The following PPP4R1 variants were observed in gnomAD, a reference collection of about 807,000 sequenced individuals.
PPP4R1 encodes the protein serine/threonine-protein phosphatase 4 regulatory subunit 1.
PPP4R1 carries 42 observed loss-of-function variants against 111.2 expected under a neutral mutation model. The observed-to-expected ratio is 0.38, with a 90% CI of 0.29 to 0.49. The LOEUF is 0.49. Among genes scored for constraint, PPP4R1 ranks in the 20% least tolerant of loss-of-function variants. The probability of loss-of-function intolerance (pLI) is 0.97; values close to 1 mark genes in which losing one functional copy is unlikely to be tolerated. For synonymous variants in PPP4R1, 409 were observed against 405.5 expected (o/e 1.01, Z -0.10); for missense variants, 1,012 against 1,161.6 (o/e 0.87, Z 1.87).
rs2066843931 is a variant in PPP4R1 at position 9,570,490 on chromosome 18, A to T, written c.1240T>A (p.Ser414Thr). 6.2e-7 allele frequency: 1 copy of T among 1,614,044 alleles called. No individual in the cohort carries two copies. Among genetic ancestry groups the T allele is most frequent in the Admixed American group, 1.7e-5 (1 of 60,004 alleles). The change falls in exon 11 of 20, where the codon TCT becomes ACT. Residue 414 changes from serine (S) to threonine (T), a missense_variant. Around this residue, in one of 2 missense-constraint regions of PPP4R1, gnomAD observed 707 missense variants for 742.1 expected, o/e 0.95. Transcript: ENST00000400556. ...SSLLCTLSSE[S>T]HQEAASNEND... ...TCATTACTAGCTGCTTCCTGGTGAGATTCTGAGGACAAAGTACAAAGTAAA... is the reference window on the plus strand; with the variant it reads ...TCATTACTAGCTGCTTCCTGGTGAGTTTCTGAGGACAAAGTACAAAGTAAA...
At chr18:9,609,453 A>C (rs1222402791) in intron 2 of PPP4R1, among the ~76,000 whole-genome samples, 3 of 152,200 alleles carry the variant, frequency 2.0e-5, no homozygotes, top group Admixed American at 6.5e-5. Context: ...AAGATTCTGC[A>C]CAGAGTGCGG....
intron 3 of PPP4R1, chr18:9,594,563 T>C (rs2067262137): frequency 6.5e-6 from 1 of 153,426 alleles, no homozygotes; most frequent in Non-Finnish European, 1.5e-5. Context: ...CCAAGACTTT[T>C]TGATTTCCCA....
At position 9,593,846 on chromosome 18, in the gene PPP4R1, T is replaced by C; in HGVS notation, c.217A>G (p.Thr73Ala). The stretch of plus-strand genomic sequence containing the variant: ...TCATCATCGCAGACTTCCCTCAAGG[T>C]ATCGAGCAAACTCCGGGCCACCATT... ...RQMVARSLLD[T>A]LREVCDDERD... Residue 73 changes from threonine to alanine, a missense_variant, in exon 4 of 20, where the codon ACC becomes GCC. Physicochemically the swap from Thr to Ala is moderately conservative, Grantham distance 58. This residue lies in a region of PPP4R1 where 707 missense variants were observed against 742.1 expected (regional missense o/e 0.95). Transcript: ENST00000400556. 1.2e-6 allele frequency: 2 copies of C among 1,613,750 alleles called. No homozygotes were observed. Among genetic ancestry groups the C allele is most frequent in the Non-Finnish European group, 8.5e-7 (1 of 1,179,892 alleles).
chr18:9,563,592 T>C (rs1333018993), intron 11 of PPP4R1, 42 bp from the exon 12 acceptor site: 6 of 1,481,712 alleles, frequency 4.0e-6, no homozygotes, highest in South Asian at 3.6e-5. Context: ...AGAAACACAA[T>C]TGCAATATTC....
At chr18:9,573,904 T>A (rs913883615) in intron 10 of PPP4R1, among the ~76,000 whole-genome samples, 1 of 152,328 alleles carries the variant, frequency 6.6e-6, no homozygotes, top group Admixed American at 6.5e-5. Context: ...ATGATTTTTT[T>A]AAAAGGAAAC....
Position 9,561,990 on chromosome 18 carries a change from G to C in PPP4R1, c.1832C>G (p.Thr611Ser), listed in dbSNP as rs1445071471. ...SSFSPDEERR[T>S]KVQDVVPQAL... Reference sequence around the variant, plus strand: ...TTTTTGGTCACTTACTTGTACTTTAGTTCTCCTTTCCTCATCAGGGCTAAA... The same window carrying C: ...TTTTTGGTCACTTACTTGTACTTTACTTCTCCTTTCCTCATCAGGGCTAAA... The change falls in exon 13 of 20, where the codon ACT (threonine) becomes AGT (serine). Residue 611 changes from threonine to serine, a missense_variant. Coordinates refer to ENST00000400556, the MANE Select transcript of PPP4R1 (RefSeq NM_001042388.3). 4 of 1,609,766 alleles carry C rather than the reference G, an allele frequency of 2.5e-6. No homozygotes were observed. Among genetic ancestry groups the C allele is most frequent in the Non-Finnish European group, 3.4e-6 (4 of 1,176,344 alleles).
intron 2 of PPP4R1, among the ~76,000 whole-genome samples, chr18:9,609,594 A>C (rs2067543076): frequency 6.6e-6 from 1 of 152,236 alleles, no homozygotes; most frequent in Admixed American, 6.5e-5. Flanking sequence ...GTTGTATGGC[A>C]TACTCAATAA....
At chr18:9,560,945 C>T (rs970278371) in intron 13 of PPP4R1, among the ~76,000 whole-genome samples, 4 of 151,904 alleles carry the variant, frequency 2.6e-5, no homozygotes, top group Admixed American at 6.6e-5. Flanking sequence ...AGGCTGGGCA[C>T]GGTAGCTCAT....
At chr18:9,571,845 T>A (rs2066867202) in intron 10 of PPP4R1, among the ~76,000 whole-genome samples, 1 of 152,092 alleles carries the variant, frequency 6.6e-6, no homozygotes, top group Non-Finnish European at 1.5e-5. Context: ...ACCTCCGGAG[T>A]TCATCCTGGA....
chr18:9,584,683 T>C (rs2067086752), intron 7 of PPP4R1, 38 bp downstream of exon 7: 1 of 1,606,870 alleles, frequency 6.2e-7, no homozygotes, highest in South Asian at 1.1e-5. Flanking sequence ...ACTAGAACTA[T>C]GTTCTTAAAC....
intron 16 of PPP4R1, 46 bp downstream of exon 16, chr18:9,553,272 GTAAA>G (rs1415850860): frequency 7.4e-7 from 1 of 1,357,144 alleles, no homozygotes; most frequent in Non-Finnish European, 1.0e-6. Context: ...TAAAAATGAA[GTAAA>G]TATATACCCC....
chr18:9,564,222 G>C (rs1178161405), intron 11 of PPP4R1, among the ~76,000 whole-genome samples: 1 of 152,118 alleles, frequency 6.6e-6, no homozygotes, highest in African/African-American at 2.4e-5. Flanking sequence ...ATTAAGATAA[G>C]GCATTCTTCC....
At position 9,559,601 on chromosome 18, in the gene PPP4R1, C is replaced by T. The variant is rs1291532411; in HGVS notation, c.1846G>A (p.Val616Ile). 6.3e-7 allele frequency: 1 copy of T among 1,585,260 alleles called. No individual in the cohort carries two copies. The highest frequency in any genetic ancestry group is 8.6e-7 in the Non-Finnish European group (1 of 1,163,630). Residue 616 changes from valine to isoleucine, a missense_variant, in exon 14 of 20, where the codon GTT becomes ATT. Transcript: ENST00000400556. The part of the protein sequence containing the change: ...DEERRTKVQD[V>I]VPQALLDQYL... ...TGATCTAACAACGCCTGAGGTACAACATCCTAATGGAGAAAGAGAAACCAC... is the reference window on the plus strand; with the variant it reads ...TGATCTAACAACGCCTGAGGTACAATATCCTAATGGAGAAAGAGAAACCAC...
At chr18:9,571,758 CAG>C (rs1418358554) in intron 10 of PPP4R1, among the ~76,000 whole-genome samples, 1 of 152,112 alleles carries the variant, frequency 6.6e-6, no homozygotes, top group African/African-American at 2.4e-5. Context: ...GTGACGCATT[CAG>C]GAATCAGCAA....
At chr18:9,554,413 G>A (rs1261616922) in intron 15 of PPP4R1, among the ~76,000 whole-genome samples, 1 of 152,000 alleles carries the variant, frequency 6.6e-6, no homozygotes, top group Admixed American at 6.6e-5. Flanking sequence ...ACAGGTGTGA[G>A]CCACTGTGCC....
At chr18:9,553,118 T>C (rs1483501051) in intron 16 of PPP4R1, among the ~76,000 whole-genome samples, 1 of 151,790 alleles carries the variant, frequency 6.6e-6, no homozygotes, top group Non-Finnish European at 1.5e-5. Context: ...AATATAAAGA[T>C]GAACTAAAGA....
At chr18:9,578,367 T>C (rs2066971907) in intron 9 of PPP4R1, among the ~76,000 whole-genome samples, 1 of 152,154 alleles carries the variant, frequency 6.6e-6, no homozygotes, top group East Asian at 1.9e-4. Flanking sequence ...TCATGAATAG[T>C]TGGGGACTAT....
chr18:9,581,168 CAAA>C (rs56258469), intron 9 of PPP4R1, among the ~76,000 whole-genome samples: 5 of 138,300 alleles, frequency 3.6e-5, no homozygotes, highest in Admixed American at 7.2e-5. Flanking sequence ...ACAAGGCAGG[CAAA>C]AAAAAAAAAA....
At chr18:9,553,924 G>C (rs1371371928) in intron 15 of PPP4R1, among the ~76,000 whole-genome samples, 4 of 152,182 alleles carry the variant, frequency 2.6e-5, no homozygotes, top group African/African-American at 9.7e-5. Context: ...ACCTAACTGT[G>C]CATCAGATGG....
Sources: allele counts gnomAD v4.1 joint callset (sites outside exome capture counted in the v4.1 genomes callset), GRCh38; gene constraint gnomAD v4.1.1; regional missense constraint gnomAD v4.1.1; transcripts MANE v1.5; gene names NCBI Gene and HGNC (gene_info 2026-07-23, HGNC 2026-07-21).